Variants in CLTC observed in about 807,000 individuals in gnomAD.
CLTC encodes clathrin heavy chain.
A neutral mutation model predicts 195.8 loss-of-function variants in CLTC; 16 were observed. The ratio of observed to expected loss-of-function variants is 0.08; its 90% CI spans 0.06 to 0.12. The LOEUF (loss-of-function observed/expected upper bound fraction) is 0.12. CLTC is among the 10% of genes least tolerant of loss of function. CLTC has a pLI of 1.00. For missense variants in CLTC, 796 were observed against 2,027.0 expected (o/e 0.39, Z 11.66); for synonymous variants, 667 against 689.4 (o/e 0.97, Z 0.51).
chr17:59,676,613 C>T (rs1033379221), intron 16 of CLTC, among the ~76,000 whole-genome samples: 6 of 152,138 alleles, frequency 3.9e-5, no homozygotes, highest in African/African-American at 1.2e-4. Flanking sequence ...TATTCTTGGA[C>T]AACTCAATCA....
intron 4 of CLTC, among the ~76,000 whole-genome samples, chr17:59,649,305 T>C (rs1003865236): frequency 3.9e-5 from 6 of 152,214 alleles, no homozygotes; most frequent in Admixed American, 1.3e-4. Flanking sequence ...GGATCCATGA[T>C]TGCATTTCTG....
rs780053211 is a variant in CLTC at position 59,674,828 on chromosome 17, T to C, written c.2546T>C (p.Val849Ala). 1 of 1,612,850 alleles carries C rather than the reference T, an allele frequency of 6.2e-7. No homozygotes were observed. Among genetic ancestry groups the C allele is most frequent in the South Asian group, 1.1e-5 (1 of 90,846 alleles). Residue 849 changes from valine (V) to alanine (A), a missense_variant, in exon 16 of 32, where the codon GTT becomes GCT. This residue lies in a region of CLTC where 160 missense variants were observed against 448.2 expected (regional missense o/e 0.36). Transcript: ENST00000269122. ...TCTACTGATGAGCTTGTTGCTGAGGTTGAAAAAAGAAACAGGTGTAGTACC... is the reference window on the plus strand; with the variant it reads ...TCTACTGATGAGCTTGTTGCTGAGGCTGAAAAAAGAAACAGGTGTAGTACC... ...QFSTDELVAE[V>A]EKRNRLKLLL...
In CLTC at chr17:59,655,979, A is replaced by C. The variant is rs1456360468; in HGVS notation, c.921A>C (p.Ala307=). ...RISGETIFVT[A]PHEATAGIIG... The stretch of plus-strand genomic sequence containing the variant: ...GTGGAGAAACAATTTTTGTTACTGC[A>C]CCTCATGAAGCCACAGCTGGAATAA... Residue 307 remains alanine (A), a synonymous_variant, in exon 6 of 32, where the codon GCA becomes GCC. Coordinates refer to ENST00000269122, the MANE Select transcript of CLTC (RefSeq NM_004859.4). 4 of 1,612,944 alleles carry C rather than the reference A, an allele frequency of 2.5e-6. No individual in the cohort carries two copies. Among genetic ancestry groups the C allele is most frequent in the Non-Finnish European group, 3.4e-6 (4 of 1,179,666 alleles).
At chr17:59,678,518 T>C (rs1170695762) in intron 17 of CLTC, among the ~76,000 whole-genome samples, 7 of 152,238 alleles carry the variant, frequency 4.6e-5, no homozygotes, top group Admixed American at 2.6e-4. Flanking sequence ...CACTACTATT[T>C]ATTTTGATGC....
intron 5 of CLTC, among the ~76,000 whole-genome samples, chr17:59,652,293 T>C (rs927803222): frequency 3.9e-5 from 6 of 152,190 alleles, no homozygotes; most frequent in African/African-American, 9.7e-5. Flanking sequence ...TCATCAGTGT[T>C]CTTAGTGGCA....
chr17:59,688,414 T>A (rs1376703923), intron 30 of CLTC, among the ~76,000 whole-genome samples: 1 of 152,150 alleles, frequency 6.6e-6, no homozygotes, highest in African/African-American at 2.4e-5. Context: ...TGGAACTGAA[T>A]TCATTGACAT....
At chr17:59,630,844 C>T (rs989866975) in intron 1 of CLTC, among the ~76,000 whole-genome samples, 1 of 152,174 alleles carries the variant, frequency 6.6e-6, no homozygotes, top group African/African-American at 2.4e-5. Context: ...GCTATTGTGA[C>T]TAGTGGTGTT....
Position 59,685,623 on chromosome 17 carries a change from G to T in CLTC, c.4642G>T (p.Glu1548Ter), listed in dbSNP as rs941139978. Residue 1548 changes from glutamate (E) to a stop codon, truncating the protein, a stop_gained, in exon 30 of 32, where the codon GAA (glutamate) becomes TAA (stop). Transcript: ENST00000269122. LOFTEE classifies it high-confidence loss of function. This position sits in a 1 kb window ranked among gnomAD's most constrained non-coding sequence, Gnocchi z 5.0. ...MQYASESKDTELAEELLQWFL... is the reference protein window; with the variant it reads ...MQYASESKDT ...GTATGCTTCTGAATCTAAAGATACT[G>T]AATTGGCTGAAGAACTCCTGCAGTG... 3.7e-6 allele frequency: 6 copies of T among 1,614,056 alleles called. No homozygotes were observed.
chr17:59,653,938 A>C (rs1283604355), intron 5 of CLTC, among the ~76,000 whole-genome samples: 1 of 151,388 alleles, frequency 6.6e-6, no homozygotes, highest in Non-Finnish European at 1.5e-5. Context: ...ACACCTGGCT[A>C]ATTTTTGTAT....
chr17:59,624,363 T>A (rs1356013412), intron 1 of CLTC, among the ~76,000 whole-genome samples: 1 of 151,916 alleles, frequency 6.6e-6, no homozygotes, highest in Non-Finnish European at 1.5e-5. Context: ...TGTTTATAGA[T>A]TAACAATGTG....
intron 31 of CLTC, among the ~76,000 whole-genome samples, chr17:59,693,160 A>T (rs2033347057): frequency 6.6e-6 from 1 of 152,132 alleles, no homozygotes; most frequent in South Asian, 2.1e-4. Context: ...TGTGGCCAGG[A>T]GTTCAATACC....
chr17:59,626,664 G>A lies in CLTC; in HGVS notation c.42+6491G>A, dbSNP rs116224844. ...TCTAAGTTCATGCACTATATGCCATGCCAAAACTACTTCATGAAATAAACC... is the reference window on the plus strand; with the variant it reads ...TCTAAGTTCATGCACTATATGCCATACCAAAACTACTTCATGAAATAAACC... On this transcript the variant is annotated intron_variant, in intron 1 of 31. Coordinates refer to ENST00000269122, the MANE Select transcript of CLTC (RefSeq NM_004859.4). Among the ~76,000 whole-genome samples, 333 of 152,272 alleles carry A rather than the reference G, an allele frequency of 2.2e-3. 3 individuals are homozygous for A. The highest frequency in any genetic ancestry group is 7.6e-3 in the African/African-American group (317 of 41,560).
intron 28 of CLTC, among the ~76,000 whole-genome samples, chr17:59,684,836 A>G (rs1469771754): frequency 6.7e-6 from 1 of 150,232 alleles, no homozygotes; most frequent in Non-Finnish European, 1.5e-5. Context: ...TTGCCCTCCA[A>G]ATTAGAAATA....
rs374251693 is a variant in CLTC at position 59,640,096 on chromosome 17, A to T, written c.43-4180A>T. ...CTGTTTAAAAATATGTTGCATTTTA[A>T]AAGTTTTAATCTATATTGATATTAC... On this transcript the variant is annotated intron_variant, in intron 1 of 31. Coordinates refer to ENST00000269122, the MANE Select transcript of CLTC (RefSeq NM_004859.4). Among the ~76,000 whole-genome samples, 15 of 152,348 alleles carry T rather than the reference A, an allele frequency of 9.8e-5. No homozygotes were observed. The East Asian group carries it at 2.5e-3, about 25-fold the overall frequency.
In CLTC at chr17:59,667,048, G is replaced by T. The variant is rs530047113; in HGVS notation, c.2128+71G>T. On this transcript the variant is annotated intron_variant, in intron 13 of 31. Coordinates refer to ENST00000269122, the MANE Select transcript of CLTC (RefSeq NM_004859.4). ...CAAGAAGAGGTATGCTTATGATCAG[G>T]CTGTTGGAAATTTTGTTTTTCTAAA... is the stretch of plus-strand genomic sequence containing the variant. 1,723 of 1,315,802 alleles carry T rather than the reference G, an allele frequency of 1.3e-3. 4 individuals carry two copies. Among genetic ancestry groups the T allele is most frequent in the Non-Finnish European group, 1.7e-3 (1,641 of 960,464 alleles). 81.5% of individuals were successfully genotyped at this position (1,315,802 alleles called of 1,614,324 possible).
In CLTC at chr17:59,661,366, G is replaced by A. The variant is rs141848639; in HGVS notation, c.1168-77G>A. The stretch of plus-strand genomic sequence containing the variant: ...CTACAGGGTGTTTAGTGTGATGTTT[G>A]GATCACTTTCGAAGAGCGTTTAACA... On this transcript the variant is annotated intron_variant, in intron 7 of 31. Transcript: ENST00000269122. The A allele has an allele frequency of 8.9e-5, 101 of 1,133,720 alleles. No homozygotes were observed. The African/African-American group carries it at 1.5e-3, about 16-fold the overall frequency. 70.2% of individuals were successfully genotyped at this position (1,133,720 alleles called of 1,614,324 possible).
At chr17:59,651,156 ACT>A in intron 4 of CLTC, 45 bp from the exon 5 acceptor site, 1 of 1,157,734 alleles carries the variant, frequency 8.6e-7, no homozygotes, top group South Asian at 1.3e-5. Context: ...GCTGTGATCA[ACT>A]GCTAATGTAT....
chr17:59,655,813 A>G, intron 5 of CLTC, 41 bp from the exon 6 acceptor site: 2 of 1,448,692 alleles, frequency 1.4e-6, no homozygotes, highest in Non-Finnish European at 1.8e-6. Flanking sequence ...TTCTGTTTGT[A>G]GATTCATTAT....
chr17:59,693,955 C>T lies in CLTC; in HGVS notation c.*103C>T. The T allele has an allele frequency of 8.1e-7, 1 of 1,239,538 alleles. No individual in the cohort carries two copies. Among genetic ancestry groups the T allele is most frequent in the Non-Finnish European group, 1.1e-6 (1 of 937,640 alleles). 76.8% of individuals were successfully genotyped at this position (1,239,538 alleles called of 1,614,324 possible). On this transcript the variant is annotated 3_prime_UTR_variant, in exon 32 of 32. Transcript: ENST00000269122. ...GAAAACAGGCAACGTGTTCTTGTAACCTTTATTTCATGAAGGACTTCTTTT... is the reference window on the plus strand; with the variant it reads ...GAAAACAGGCAACGTGTTCTTGTAATCTTTATTTCATGAAGGACTTCTTTT...
Sources: gnomAD v4.1 joint callset for allele counts (sites outside exome capture counted in the v4.1 genomes callset) on GRCh38, gnomAD v4.1.1 for gene constraint, gnomAD v4.1.1 regional missense constraint, Gnocchi (gnomAD v3.1) non-coding constraint, MANE v1.5 for transcripts, NCBI Gene and HGNC (gene_info 2026-07-23, HGNC 2026-07-21) for gene names.